The following UBE2K variants were observed in gnomAD, a reference collection of about 807,000 sequenced individuals.
The protein encoded by UBE2K is ubiquitin-conjugating enzyme E2 K.
In UBE2K, 6 loss-of-function variants were observed where a neutral mutation model predicts 30.0. That is an observed-to-expected ratio of 0.20 (90% CI 0.11 to 0.39). The LOEUF is 0.39. Ranked by LOEUF, UBE2K falls within the 10% of genes least tolerant of loss-of-function variation. The pLI, the probability that UBE2K is intolerant of heterozygous loss-of-function variation, is 1.00. For missense variants in UBE2K, 61 were observed against 241.6 expected (o/e 0.25, Z 4.96); for synonymous variants, 86 against 83.7 (o/e 1.03, Z -0.15).
chr4:39,760,846 T>G (rs938220626), intron 4 of UBE2K, among the ~76,000 whole-genome samples: 4 of 151,992 alleles, frequency 2.6e-5, no homozygotes, highest in Non-Finnish European at 4.4e-5. Flanking sequence ...GGGCAGGAGT[T>G]GTGAGTAGGA....
intron 4 of UBE2K, 136 bp from the exon 5 acceptor site, chr4:39,774,698 A>G (rs1181732938): frequency 7.0e-6 from 3 of 430,426 alleles, no homozygotes; most frequent in Non-Finnish European, 8.2e-6. Context: ...ATAAATGTCT[A>G]TGACTTAACT....
intron 1 of UBE2K, among the ~76,000 whole-genome samples, chr4:39,702,595 T>C (rs1045092883): frequency 6.6e-6 from 1 of 152,134 alleles, no homozygotes; most frequent in Non-Finnish European, 1.5e-5. Context: ...ATCTATGGCA[T>C]AAACAAATTG....
At chr4:39,723,964 C>T (rs369777043) in intron 1 of UBE2K, among the ~76,000 whole-genome samples, 2 of 152,044 alleles carry the variant, frequency 1.3e-5, no homozygotes, top group South Asian at 4.1e-4. Flanking sequence ...AGGCACACAC[C>T]ACCACACCCA....
intron 4 of UBE2K, chr4:39,770,453 G>A: frequency 6.2e-7 from 1 of 1,611,796 alleles, no homozygotes; most frequent in Non-Finnish European, 8.5e-7. Context: ...CCGGGCACTT[G>A]GTGCACTTGA....
intron 4 of UBE2K, chr4:39,770,326 T>G (rs1014373548): frequency 6.2e-7 from 1 of 1,613,358 alleles, no homozygotes; most frequent in Non-Finnish European, 8.5e-7. Context: ...CGATGCACGT[T>G]CCTGTGGTGG....
At position 39,770,388 on chromosome 4, in the gene UBE2K, A is replaced by T. The variant is rs966467128; in HGVS notation, c.300-4446A>T. ...CTTGCCACAGCGAGGGCACATGAAG[A>T]TGAAGTGCTGCTGCCGCATGTGGAA... On this transcript the variant is annotated intron_variant, in intron 4 of 6. Transcript: ENST00000261427. 9 of 1,613,094 alleles carry T rather than the reference A, an allele frequency of 5.6e-6. No individual in the cohort carries two copies. The Admixed American group carries it at 1.0e-4, about 18-fold the overall frequency.
intron 3 of UBE2K, among the ~76,000 whole-genome samples, chr4:39,754,038 G>A (rs1053943033): frequency 3.5e-4 from 54 of 152,192 alleles, no homozygotes; most frequent in East Asian, 1.2e-3. Context: ...CAAAAAAAAA[G>A]AGAGAGAGAG....
At chr4:39,776,033 A>C (rs1400481009) in intron 5 of UBE2K, among the ~76,000 whole-genome samples, 4 of 152,172 alleles carry the variant, frequency 2.6e-5, no homozygotes, top group Non-Finnish European at 5.9e-5. Context: ...CATTGATAAA[A>C]TGTTTAGGCT....
chr4:39,699,477 T>C (rs1717888720), intron 1 of UBE2K, among the ~76,000 whole-genome samples: 1 of 152,216 alleles, frequency 6.6e-6, no homozygotes, highest in Non-Finnish European at 1.5e-5. Flanking sequence ...TACGTTTATT[T>C]ATGTAAGATA....
chr4:39,727,578 C>CT (rs1201271762), intron 1 of UBE2K, among the ~76,000 whole-genome samples: 2,292 of 142,366 alleles, frequency 0.016, 17 homozygotes, highest in Admixed American at 0.044. Context: ...CTGGACTGAT[C>CT]TTTTTTTTTT....
intron 1 of UBE2K, among the ~76,000 whole-genome samples, chr4:39,720,707 A>G (rs543133011): frequency 6.6e-6 from 1 of 152,298 alleles, no homozygotes; most frequent in South Asian, 2.1e-4. Context: ...TTTACAATGA[A>G]TAATGGAAAA....
chr4:39,716,749 GC>G (rs1284537869), intron 1 of UBE2K, among the ~76,000 whole-genome samples: 4 of 152,120 alleles, frequency 2.6e-5, no homozygotes, highest in Non-Finnish European at 5.9e-5. Flanking sequence ...TGTAATCCTA[GC>G]ACTTTAGGAG....
intron 4 of UBE2K, among the ~76,000 whole-genome samples, chr4:39,756,645 G>T (rs1721529904): frequency 6.6e-6 from 1 of 151,848 alleles, no homozygotes; most frequent in East Asian, 1.9e-4. Flanking sequence ...TAGAGACAGG[G>T]TTCCTGTTGC....
chr4:39,706,617 G>A (rs1358637291), intron 1 of UBE2K, among the ~76,000 whole-genome samples: 2 of 150,762 alleles, frequency 1.3e-5, no homozygotes, highest in South Asian at 2.1e-4. Context: ...GATTACAGGC[G>A]CGCCCCACCG....
At chr4:39,701,329 C>A (rs984353460) in intron 1 of UBE2K, among the ~76,000 whole-genome samples, 1 of 151,934 alleles carries the variant, frequency 6.6e-6, no homozygotes, top group Non-Finnish European at 1.5e-5. Context: ...GGATATAAAC[C>A]CATAATCAAT....
At chr4:39,756,872 T>C (rs1457317519) in intron 4 of UBE2K, among the ~76,000 whole-genome samples, 6 of 152,038 alleles carry the variant, frequency 3.9e-5, no homozygotes, top group South Asian at 2.1e-4. Flanking sequence ...CAGAACAAAA[T>C]AGAACAGCAG....
At chr4:39,765,426 A>G (rs1398243106) in intron 4 of UBE2K, among the ~76,000 whole-genome samples, 1 of 151,940 alleles carries the variant, frequency 6.6e-6, no homozygotes, top group Non-Finnish European at 1.5e-5. Flanking sequence ...TGGGAGGCTG[A>G]GGTTGGAGGA....
chr4:39,750,949 T>C (rs539955384), intron 3 of UBE2K, among the ~76,000 whole-genome samples: 21 of 152,150 alleles, frequency 1.4e-4, no homozygotes, highest in Non-Finnish European at 2.8e-4. Flanking sequence ...TTCACCTTGT[T>C]GCCCAGGCTG....
intron 4 of UBE2K, chr4:39,770,661 C>G: frequency 1.3e-6 from 2 of 1,585,550 alleles, no homozygotes; most frequent in Non-Finnish European, 1.7e-6. Context: ...CTTCACCACA[C>G]CCTGCGGTGG....
Sources: allele counts gnomAD v4.1 joint callset (sites outside exome capture counted in the v4.1 genomes callset), GRCh38; gene constraint gnomAD v4.1.1; transcripts MANE v1.5; gene names NCBI Gene and HGNC (gene_info 2026-07-23, HGNC 2026-07-21).